Variants in INPP5A observed in about 807,000 individuals in gnomAD.
The protein encoded by INPP5A is 43 kDa inositol polyphosphate 5-phophatase.
INPP5A carries 14 observed loss-of-function variants against 65.2 expected under a neutral mutation model. That is an observed-to-expected ratio of 0.21 (90% CI 0.14 to 0.34). The LOEUF (loss-of-function observed/expected upper bound fraction) is 0.34. Ranked by LOEUF, INPP5A falls within the 10% of genes least tolerant of loss-of-function variation. INPP5A has a pLI of 1.00. For missense variants in INPP5A, 431 were observed against 545.6 expected (o/e 0.79, Z 2.09); for synonymous variants, 207 against 208.3 (o/e 0.99, Z 0.05).
intron 1 of INPP5A, among the ~76,000 whole-genome samples, chr10:132,604,357 C>A (rs959934203): frequency 3.3e-5 from 5 of 151,964 alleles, no homozygotes; most frequent in Non-Finnish European, 7.4e-5. Context: ...TCCATCCTGC[C>A]CTGTGCTGTC....
intron 4 of INPP5A, among the ~76,000 whole-genome samples, chr10:132,689,449 TTTG>T (rs1224900069): frequency 3.3e-5 from 5 of 152,218 alleles, no homozygotes; most frequent in Admixed American, 6.5e-5. Context: ...GATAGGTTTG[TTTG>T]TTAAGTCAGG....
intron 9 of INPP5A, among the ~76,000 whole-genome samples, chr10:132,744,078 C>T (rs1451198012): frequency 6.6e-6 from 1 of 152,230 alleles, no homozygotes; most frequent in Non-Finnish European, 1.5e-5. Context: ...GAGGAGTGGC[C>T]GGCTCTGGCC....
At chr10:132,716,625 C>A (rs1845744694) in intron 8 of INPP5A, among the ~76,000 whole-genome samples, 1 of 152,192 alleles carries the variant, frequency 6.6e-6, no homozygotes, top group Admixed American at 6.5e-5. Context: ...CTTTCCACAC[C>A]CTGAACCCCA....
At chr10:132,735,926 G>T (rs1407810730) in intron 9 of INPP5A, among the ~76,000 whole-genome samples, 1 of 152,194 alleles carries the variant, frequency 6.6e-6, no homozygotes, top group Non-Finnish European at 1.5e-5. Flanking sequence ...GGATCCGGGA[G>T]TCCTGCCCTG....
chr10:132,652,240 G>C (rs1318683312), intron 4 of INPP5A, among the ~76,000 whole-genome samples: 1 of 152,240 alleles, frequency 6.6e-6, no homozygotes, highest in Non-Finnish European at 1.5e-5. Flanking sequence ...CATTGCAGAA[G>C]AAAAGAGAAG....
intron 6 of INPP5A, among the ~76,000 whole-genome samples, chr10:132,703,425 C>A (rs1409455732): frequency 1.3e-5 from 2 of 150,458 alleles, no homozygotes; most frequent in Admixed American, 6.6e-5. Flanking sequence ...TTCACCCCCC[C>A]ACATACACAC....
chr10:132,733,713 G>A (rs1308329130), intron 9 of INPP5A, among the ~76,000 whole-genome samples: 1 of 152,230 alleles, frequency 6.6e-6, no homozygotes, highest in Non-Finnish European at 1.5e-5. Context: ...GCTGAACGCT[G>A]ATGCCGGCCT....
chr10:132,703,790 C>A (rs1307385064), intron 6 of INPP5A, among the ~76,000 whole-genome samples: 3 of 86,578 alleles, frequency 3.5e-5, no homozygotes, highest in African/African-American at 9.7e-5. Context: ...AGCTTCACCC[C>A]CACACACACG....
At chr10:132,580,715 A>G (rs1359161233) in intron 1 of INPP5A, among the ~76,000 whole-genome samples, 1 of 152,254 alleles carries the variant, frequency 6.6e-6, no homozygotes, top group East Asian at 1.9e-4. Context: ...ACACTTGTTT[A>G]TCTGCCACTT....
At chr10:132,695,645 G>A (rs1845333501) in intron 5 of INPP5A, among the ~76,000 whole-genome samples, 1 of 152,196 alleles carries the variant, frequency 6.6e-6, no homozygotes, top group Non-Finnish European at 1.5e-5. Flanking sequence ...AGCAATTATA[G>A]CAACATTGCA....
chr10:132,736,976 G>T (rs761862267), intron 9 of INPP5A, among the ~76,000 whole-genome samples: 7 of 152,240 alleles, frequency 4.6e-5, no homozygotes, highest in Non-Finnish European at 7.3e-5. Flanking sequence ...CTGTGGGCAG[G>T]AGAGGCCAGG....
At chr10:132,596,251 C>T (rs1219654932) in intron 1 of INPP5A, among the ~76,000 whole-genome samples, 3 of 152,220 alleles carry the variant, frequency 2.0e-5, no homozygotes, top group Non-Finnish European at 4.4e-5. Flanking sequence ...GGCGTGGCGG[C>T]ATGGCCCAGT....
Position 132,782,362 on chromosome 10 carries a change from G to C in INPP5A, c.*333G>C, listed in dbSNP as rs1847180086. 1 of 331,584 alleles carries C rather than the reference G, an allele frequency of 3.0e-6. No homozygotes were observed. The highest frequency in any genetic ancestry group is 5.8e-6 in the Non-Finnish European group (1 of 171,466). The allele number at this position is 331,584 out of a possible 1,614,324, so 20.5% of individuals were successfully genotyped here. A position where few individuals can be genotyped will look rare whatever the true frequency, so the allele number is the denominator to read the frequency against. ...AGTTTTCAGTTTTTAATGATTGCCA[G>C]TGGAGGGGCTTCTTCAGCACAGAGA... On this transcript the variant is annotated 3_prime_UTR_variant, in exon 16 of 16. Coordinates refer to ENST00000368594, the MANE Select transcript of INPP5A (RefSeq NM_005539.5). The surrounding 1 kb of genome is among the most constrained non-coding windows in gnomAD (Gnocchi z 4.4).
intron 8 of INPP5A, among the ~76,000 whole-genome samples, chr10:132,723,456 G>A (rs897368172): frequency 1.4e-5 from 2 of 144,100 alleles, no homozygotes; most frequent in Non-Finnish European, 3.0e-5. Flanking sequence ...TTGGCCGTGT[G>A]GGGATTGGCC....
intron 4 of INPP5A, among the ~76,000 whole-genome samples, chr10:132,685,316 C>T (rs1166118432): frequency 1.3e-5 from 2 of 152,232 alleles, no homozygotes; most frequent in Non-Finnish European, 2.9e-5. Context: ...GGAGCTGGCA[C>T]CTGTGGTCAC....
At chr10:132,781,076 G>C (rs1285370236) in intron 14 of INPP5A, among the ~76,000 whole-genome samples, 159 bp downstream of exon 14, 2 of 152,342 alleles carry the variant, frequency 1.3e-5, no homozygotes, top group East Asian at 3.9e-4. Context: ...TTCTTAGTCT[G>C]ACTACAGAGT....
In INPP5A at chr10:132,587,030, T is replaced by C. The variant is rs528995587; in HGVS notation, c.76-20885T>C. ...CCCCTGGGTGGCCCCTCCCCCGCCA[T>C]CGTTACGCTGTCATCAGCAAGATCA... On this transcript the variant is annotated intron_variant, in intron 1 of 15. Coordinates refer to ENST00000368594, the MANE Select transcript of INPP5A (RefSeq NM_005539.5). The surrounding 1 kb of genome is among the most constrained non-coding windows in gnomAD (Gnocchi z 4.3). Among the ~76,000 whole-genome samples, 1 of 152,338 alleles carries C rather than the reference T, an allele frequency of 6.6e-6. No homozygotes were observed. The highest frequency in any genetic ancestry group is 2.1e-4 in the South Asian group (1 of 4,832).
rs1369220449 is a variant in INPP5A, at chr10:132,697,898, T to C, written c.453T>C (p.Phe151=). ...ESTPMLEKEK[F]PQDYFPECKW... ...CGCCCATGCTGGAGAAGGAGAAGTT[T>C]CCGCAGGACTACTTCCCCGAGGTAC... is the stretch of plus-strand genomic sequence containing the variant. The change falls in exon 6 of 16, where the codon TTT becomes TTC. Residue 151 remains phenylalanine (F), a synonymous_variant. Transcript: ENST00000368594. The surrounding 1 kb of genome is among the most constrained non-coding windows in gnomAD (Gnocchi z 5.6). 6.2e-7 allele frequency: 1 copy of C among 1,612,072 alleles called. No homozygotes were observed. The highest frequency in any genetic ancestry group is 8.5e-7 in the Non-Finnish European group (1 of 1,178,336).
intron 11 of INPP5A, among the ~76,000 whole-genome samples, chr10:132,759,948 C>T (rs929915707): frequency 1.3e-5 from 2 of 152,228 alleles, no homozygotes; most frequent in Non-Finnish European, 1.5e-5. Context: ...CTCAGGGCTG[C>T]GGCCTCACGA....
Sources: allele counts gnomAD v4.1 joint callset (sites outside exome capture counted in the v4.1 genomes callset), GRCh38; gene constraint gnomAD v4.1.1; non-coding constraint Gnocchi (gnomAD v3.1); transcripts MANE v1.5; gene names NCBI Gene and HGNC (gene_info 2026-07-23, HGNC 2026-07-21).